The following ABL1 variants were observed in gnomAD, a reference collection of about 807,000 sequenced individuals.
The protein encoded by ABL1 is ABL proto-oncogene 1, non-receptor tyrosine kinase, also known as tyrosine-protein kinase ABL1.
A neutral mutation model predicts 94.7 loss-of-function variants in ABL1; 11 were observed. That is an observed-to-expected ratio of 0.12 (90% CI 0.07 to 0.19). ABL1 has a LOEUF of 0.19. Ranked by LOEUF, ABL1 falls within the 10% of genes least tolerant of loss-of-function variation. ABL1 has a pLI of 1.00. For missense variants in ABL1, 1,082 were observed against 1,489.4 expected (o/e 0.73, Z 4.50); for synonymous variants, 656 against 622.4 (o/e 1.05, Z -0.80).
intron 1 of ABL1, among the ~76,000 whole-genome samples, chr9:130,813,561 CAAAAAAAAA>C (rs57194587): frequency 1.6e-5 from 1 of 60,670 alleles, no homozygotes; most frequent in African/African-American, 5.6e-5. Context: ...ACTCCATCTC[CAAAAAAAAA>C]AAAAAAAAAA....
chr9:130,865,816 A>G (rs145600565), intron 4 of ABL1, among the ~76,000 whole-genome samples: 204 of 150,940 alleles, frequency 1.4e-3, no homozygotes, highest in Non-Finnish European at 2.4e-3. Context: ...GCTAACATTC[A>G]GCTTCATCGT....
chr9:130,787,703 G>A (rs1185097279), intron 1 of ABL1, among the ~76,000 whole-genome samples: 1 of 152,144 alleles, frequency 6.6e-6, no homozygotes, highest in African/African-American at 2.4e-5. Flanking sequence ...CATGGAAAAG[G>A]GTTTGCAAGT....
At chr9:130,737,529 A>G (rs1831759446) in intron 1 of ABL1, among the ~76,000 whole-genome samples, 1 of 152,120 alleles carries the variant, frequency 6.6e-6, no homozygotes, top group Non-Finnish European at 1.5e-5. Flanking sequence ...TTGGCCTCCC[A>G]AAGTGCTAGG....
chr9:130,793,825 T>G (rs571539277), intron 1 of ABL1, among the ~76,000 whole-genome samples: 5 of 152,196 alleles, frequency 3.3e-5, no homozygotes, highest in Non-Finnish European at 7.3e-5. Context: ...TACTCATTAC[T>G]GCCTGAGCTC....
intron 1 of ABL1, among the ~76,000 whole-genome samples, chr9:130,783,921 G>T (rs1280651428): frequency 1.3e-5 from 2 of 152,132 alleles, no homozygotes; most frequent in Non-Finnish European, 2.9e-5. Flanking sequence ...CTCCCAAAGT[G>T]CTGGGATTGC....
At chr9:130,764,817 G>A (rs1018987469) in intron 1 of ABL1, among the ~76,000 whole-genome samples, 1 of 152,070 alleles carries the variant, frequency 6.6e-6, no homozygotes, top group African/African-American at 2.4e-5. Flanking sequence ...TTAGCTGGGC[G>A]TGGTGGCGCA....
chr9:130,765,407 C>T (rs1832170655), intron 1 of ABL1, among the ~76,000 whole-genome samples: 1 of 152,140 alleles, frequency 6.6e-6, no homozygotes, highest in African/African-American at 2.4e-5. Context: ...GTTGGATAGG[C>T]CATGATTCAT....
At chr9:130,806,891 C>T (rs908262377) in intron 1 of ABL1, among the ~76,000 whole-genome samples, 1 of 152,156 alleles carries the variant, frequency 6.6e-6, no homozygotes, top group African/African-American at 2.4e-5. Flanking sequence ...TGGCTCATGC[C>T]TGTAATTCCA....
At chr9:130,853,341 G>C (rs1196149443) in intron 1 of ABL1, among the ~76,000 whole-genome samples, 2 of 144,736 alleles carry the variant, frequency 1.4e-5, no homozygotes, top group Non-Finnish European at 3.0e-5. Context: ...ATGCCCGGCT[G>C]ATTTTTGTAT....
intron 1 of ABL1, among the ~76,000 whole-genome samples, chr9:130,849,864 C>T (rs142245496): frequency 1.6e-4 from 25 of 152,214 alleles, no homozygotes; most frequent in African/African-American, 5.8e-4. Flanking sequence ...CGTGGCTTTG[C>T]CCCATTTTTT....
In ABL1 at chr9:130,880,676, G is replaced by A. The variant is rs1198741026; in HGVS notation, c.1678+12G>A. The A allele has an allele frequency of 1.6e-5, 25 of 1,611,568 alleles. No individual in the cohort carries two copies. Among genetic ancestry groups the A allele is most frequent in the Admixed American group, 1.3e-4 (8 of 59,824 alleles). ...CCAGGGAGAGAGCGGTAAGTCCCCC[G>A]CTTCCCCCAACCCCACTGCTCTTCC... On this transcript the variant is annotated intron_variant, in intron 10 of 10. Transcript: ENST00000318560. The surrounding 1 kb of genome is among the most constrained non-coding windows in gnomAD (Gnocchi z 4.4).
chr9:130,724,135 G>T (rs1333023671), intron 1 of ABL1, among the ~76,000 whole-genome samples: 1 of 150,604 alleles, frequency 6.6e-6, no homozygotes, highest in East Asian at 2.0e-4. Context: ...TAAGAGATAA[G>T]GTCTTGCTTT....
intron 1 of ABL1, among the ~76,000 whole-genome samples, chr9:130,719,394 T>G (rs1831487341): frequency 6.6e-6 from 1 of 152,096 alleles, no homozygotes; most frequent in Admixed American, 6.6e-5. Flanking sequence ...CTGGGCGTGG[T>G]TGCAGGTGCC....
intron 1 of ABL1, among the ~76,000 whole-genome samples, chr9:130,811,911 CAAAAAAAAAAA>C (rs1203330162): frequency 1.1e-4 from 2 of 18,558 alleles, no homozygotes; most frequent in East Asian, 1.8e-3. Context: ...GACTCCGTCT[CAAAAAAAAAAA>C]AAAAAAAAAA....
Position 130,880,372 on chromosome 9 carries a change from A to G in ABL1, c.1514-128A>G. 1.7e-6 allele frequency: 2 copies of G among 1,201,758 alleles called. No individual in the cohort carries two copies. Among genetic ancestry groups the G allele is most frequent in the Non-Finnish European group, 2.3e-6 (2 of 851,574 alleles). 74.4% of individuals were successfully genotyped at this position (1,201,758 alleles called of 1,614,324 possible). ...GCTAAGGGCTGTTTCTCCGGTATCC[A>G]CGTGCCTTTTCTTTAGTTGTATGCA... On this transcript the variant is annotated intron_variant, in intron 9 of 10. Transcript: ENST00000318560. This position sits in a 1 kb window ranked among gnomAD's most constrained non-coding sequence, Gnocchi z 4.4.
chr9:130,795,939 C>A (rs946122504), intron 1 of ABL1, among the ~76,000 whole-genome samples: 2 of 152,196 alleles, frequency 1.3e-5, no homozygotes, highest in African/African-American at 4.8e-5. Flanking sequence ...TGCCTCTAAT[C>A]CCAGCATTTT....
chr9:130,732,822 A>G (rs1831684098), intron 1 of ABL1, among the ~76,000 whole-genome samples: 1 of 151,884 alleles, frequency 6.6e-6, no homozygotes, highest in Non-Finnish European at 1.5e-5. Context: ...AGAGGAGCAA[A>G]GGCTAGCATG....
Position 130,855,078 on chromosome 9 carries a change from C to T in ABL1, c.531C>T (p.Asn177=). The T allele has an allele frequency of 1.2e-6, 2 of 1,613,634 alleles. No individual in the cohort carries two copies. Among genetic ancestry groups the T allele is most frequent in the East Asian group, 2.2e-5 (1 of 44,874 alleles). ...YEGRVYHYRI[N]TASDGKLYVS... is the part of the protein sequence containing the mutation. Reference sequence around the variant, plus strand: ...GGAGGGTGTACCATTACAGGATCAACACTGCTTCTGATGGCAAGGTAGGGG... The same window carrying T: ...GGAGGGTGTACCATTACAGGATCAATACTGCTTCTGATGGCAAGGTAGGGG... The change falls in exon 3 of 11, where the codon AAC becomes AAT. Residue 177 remains asparagine (N), a synonymous_variant. Coordinates refer to ENST00000318560, the MANE Select transcript of ABL1 (RefSeq NM_005157.6).
chr9:130,732,192 C>G (rs1831674836), intron 1 of ABL1, among the ~76,000 whole-genome samples: 1 of 152,052 alleles, frequency 6.6e-6, no homozygotes, highest in African/African-American at 2.4e-5. Context: ...TGAACAAGTA[C>G]TAAGTGCCTG....
Sources: allele counts gnomAD v4.1 joint callset (sites outside exome capture counted in the v4.1 genomes callset), GRCh38; gene constraint gnomAD v4.1.1; non-coding constraint Gnocchi (gnomAD v3.1); transcripts MANE v1.5; gene names NCBI Gene and HGNC (gene_info 2026-07-23, HGNC 2026-07-21).